NALF1: variants seen among roughly 807,000 people sequenced by gnomAD.
NALF1 encodes the protein NALCN channel auxiliary factor 1.
A neutral mutation model predicts 48.4 loss-of-function variants in NALF1; 3 were observed. The observed-to-expected ratio is 0.06, with a 90% confidence interval of 0.03 to 0.16. The LOEUF is 0.16. Ranked by LOEUF, NALF1 falls within the 10% of genes least tolerant of loss-of-function variation. NALF1 has a pLI of 1.00. For synonymous variants in NALF1, 262 were observed against 245.7 expected (o/e 1.07, Z -0.62); for missense variants, 526 against 571.5 (o/e 0.92, Z 0.81).
At chr13:107,497,576 T>A (rs942600861) in intron 1 of NALF1, among the ~76,000 whole-genome samples, 3 of 152,224 alleles carry the variant, frequency 2.0e-5, no homozygotes, top group African/African-American at 7.2e-5. Context: ...TCTTTCAGAA[T>A]GATTTCAGAT....
chr13:107,181,994 T>C (rs983507029), intron 2 of NALF1, among the ~76,000 whole-genome samples: 1 of 152,140 alleles, frequency 6.6e-6, no homozygotes, highest in Admixed American at 6.5e-5. Context: ...TTTTTTAAAT[T>C]TTTTTCCATA....
intron 1 of NALF1, among the ~76,000 whole-genome samples, chr13:107,496,950 G>T (rs1875359164): frequency 1.3e-5 from 2 of 152,160 alleles, no homozygotes; most frequent in Non-Finnish European, 2.9e-5. Flanking sequence ...AAGAATTCAA[G>T]ATGAGATTTG....
chr13:107,842,282 G>A (rs950813229), intron 1 of NALF1, among the ~76,000 whole-genome samples: 5 of 151,790 alleles, frequency 3.3e-5, no homozygotes, highest in African/African-American at 4.8e-5. Flanking sequence ...TTTTATAGAT[G>A]AAACAATCAA....
chr13:107,627,943 T>G (rs1281312939), intron 1 of NALF1, among the ~76,000 whole-genome samples: 1 of 152,094 alleles, frequency 6.6e-6, no homozygotes, highest in Non-Finnish European at 1.5e-5. Context: ...ATAAAAAATT[T>G]AATGACCAGT....
rs116239951 is a variant in NALF1 at position 107,581,289 on chromosome 13, C to A, written c.915+284393G>T. Among the ~76,000 whole-genome samples the A allele has an allele frequency of 5.6e-3, 849 of 152,114 alleles. 5 individuals are homozygous for A. Among genetic ancestry groups the A allele is most frequent in the African/African-American group, 0.02 (810 of 41,502 alleles). ...TTTTTGTGTAAACAAAAAAGTAACA[C>A]CATTAAGGACCAGAACAGGGGGAAC... On this transcript the variant is annotated intron_variant, in intron 1 of 2. Transcript: ENST00000375915.
At chr13:107,615,401 C>T (rs1409570231) in intron 1 of NALF1, among the ~76,000 whole-genome samples, 1 of 152,160 alleles carries the variant, frequency 6.6e-6, no homozygotes, top group Non-Finnish European at 1.5e-5. Context: ...TTATTTTCCC[C>T]ATGACTATCC....
chr13:107,370,611 C>T (rs989334239), intron 1 of NALF1, among the ~76,000 whole-genome samples: 3 of 138,708 alleles, frequency 2.2e-5, no homozygotes, highest in Non-Finnish European at 3.1e-5. Context: ...GACTTACATC[C>T]TCCCACCACG....
chr13:107,576,155 G>A (rs1280425484), intron 1 of NALF1, among the ~76,000 whole-genome samples: 8 of 152,088 alleles, frequency 5.3e-5, no homozygotes, highest in African/African-American at 4.8e-5. Flanking sequence ...CAGGAAATGC[G>A]CTCTACCATA....
At chr13:107,800,184 G>C (rs1473519509) in intron 1 of NALF1, among the ~76,000 whole-genome samples, 2 of 152,056 alleles carry the variant, frequency 1.3e-5, no homozygotes, top group Non-Finnish European at 2.9e-5. Context: ...AGCAGAGTGT[G>C]GTCTGAAGTT....
intron 1 of NALF1, among the ~76,000 whole-genome samples, chr13:107,778,748 A>G (rs1219517999): frequency 6.6e-6 from 1 of 152,102 alleles, no homozygotes; most frequent in Non-Finnish European, 1.5e-5. Flanking sequence ...CTCAGTTTTC[A>G]TGCTGAACCC....
chr13:107,404,428 T>G (rs1356959512), intron 1 of NALF1, among the ~76,000 whole-genome samples: 1 of 152,102 alleles, frequency 6.6e-6, no homozygotes, highest in Non-Finnish European at 1.5e-5. Context: ...AAATATATCT[T>G]AACAATTATA....
rs567228015 is a variant in NALF1, at chr13:107,798,655, A to G, written c.915+67027T>C. Among the ~76,000 whole-genome samples the G allele has an allele frequency of 8.5e-5, 13 of 152,324 alleles. No homozygotes were observed. In the East Asian group the frequency reaches 2.5e-3, roughly 29 times the overall value. On this transcript the variant is annotated intron_variant, in intron 1 of 2. Coordinates refer to ENST00000375915, the MANE Select transcript of NALF1 (RefSeq NM_001080396.3). ...AATTTATTAGAAAACAACCCCAAGG[A>G]ATTCAGACCAAAAATTCTATCAGTT...
intron 1 of NALF1, among the ~76,000 whole-genome samples, chr13:107,291,183 C>T (rs896861815): frequency 2.0e-5 from 3 of 151,716 alleles, no homozygotes; most frequent in African/African-American, 7.3e-5. Context: ...AAATATATTT[C>T]TTTATTCTGG....
intron 1 of NALF1, among the ~76,000 whole-genome samples, chr13:107,479,664 T>C (rs927446965): frequency 3.3e-5 from 5 of 152,140 alleles, no homozygotes; most frequent in African/African-American, 1.2e-4. Context: ...GAGGAGGAGC[T>C]AATGTCTTTT....
intron 1 of NALF1, among the ~76,000 whole-genome samples, chr13:107,305,604 C>A (rs1265587818): frequency 2.0e-5 from 3 of 152,136 alleles, no homozygotes; most frequent in East Asian, 3.9e-4. Flanking sequence ...GAGCCTGAGT[C>A]CCATACAATG....
chr13:107,258,489 G>A (rs1001734151), intron 1 of NALF1, among the ~76,000 whole-genome samples: 1 of 152,052 alleles, frequency 6.6e-6, no homozygotes, highest in African/African-American at 2.4e-5. Context: ...GGTAAGATTG[G>A]TCAAATCTAC....
intron 1 of NALF1, among the ~76,000 whole-genome samples, chr13:107,231,058 C>CAAAAAAA (rs3072074): frequency 4.8e-5 from 4 of 83,584 alleles, no homozygotes; most frequent in Admixed American, 1.5e-4. Context: ...AAGACCCGGC[C>CAAAAAAA]AAAAAAAAAA....
chr13:107,696,613 G>GT (rs1468565541), intron 1 of NALF1, among the ~76,000 whole-genome samples: 2 of 151,736 alleles, frequency 1.3e-5, no homozygotes, highest in Non-Finnish European at 2.9e-5. Context: ...ACATTTGTGT[G>GT]TATATACACA....
intron 1 of NALF1, among the ~76,000 whole-genome samples, chr13:107,603,562 A>G (rs1878989995): frequency 6.6e-6 from 1 of 152,238 alleles, no homozygotes; most frequent in African/African-American, 2.4e-5. Context: ...ATTAGCCATT[A>G]TCATATAAAA....
Sources: allele counts gnomAD v4.1 joint callset (sites outside exome capture counted in the v4.1 genomes callset), GRCh38; gene constraint gnomAD v4.1.1; transcripts MANE v1.5; gene names NCBI Gene and HGNC (gene_info 2026-07-23, HGNC 2026-07-21).